Variants in KLF15 observed in about 807,000 individuals in gnomAD.
KLF15 encodes Krueppel-like factor 15.
A neutral mutation model predicts 24.6 loss-of-function variants in KLF15; 4 were observed. That is an observed-to-expected ratio of 0.16 (90% CI 0.08 to 0.37). The LOEUF (loss-of-function observed/expected upper bound fraction) is 0.37. KLF15 is among the 10% of genes least tolerant of loss of function. The probability of loss-of-function intolerance (pLI) is 1.00; values close to 1 mark genes in which losing one functional copy is unlikely to be tolerated. For missense variants in KLF15, 496 were observed against 560.6 expected (o/e 0.88, Z 1.16); for synonymous variants, 246 against 236.3 (o/e 1.04, Z -0.37).
chr3:126,312,937 G>A, the KLF15 span, among the ~76,000 whole-genome samples: 1 of 152,092 alleles, frequency 6.6e-6, no homozygotes, highest in African/African-American at 2.4e-5. Flanking sequence ...GCAGCTCCCA[G>A]CTCCCCTTTT....
chr3:126,341,177 A>G (rs2082476945), downstream of KLF15, among the ~76,000 whole-genome samples: 2 of 152,174 alleles, frequency 1.3e-5, no homozygotes, highest in African/African-American at 4.8e-5. Flanking sequence ...GAGGTGCACC[A>G]TATGTGTGCA....
At chr3:126,330,447 C>T in the KLF15 span, among the ~76,000 whole-genome samples, 1 of 152,124 alleles carries the variant, frequency 6.6e-6, no homozygotes, top group Admixed American at 6.5e-5. Context: ...GGCAGATTTT[C>T]AATTGATCAT....
chr3:126,343,998 C>A, intron 2 of KLF15, 103 bp from the exon 3 acceptor site: 1 of 1,256,548 alleles, frequency 8.0e-7, no homozygotes, highest in East Asian at 2.7e-5. Context: ...GGCACTCACC[C>A]AAAGGGTGGC....
downstream of KLF15, among the ~76,000 whole-genome samples, chr3:126,339,926 C>T (rs1267899590): frequency 6.6e-6 from 1 of 152,242 alleles, no homozygotes; most frequent in East Asian, 1.9e-4. Context: ...TACGTAGGGC[C>T]TTTTGGCTCC....
chr3:126,353,723 CCT>C (rs1264978221), intron 1 of KLF15, among the ~76,000 whole-genome samples: 2 of 152,218 alleles, frequency 1.3e-5, no homozygotes, highest in Non-Finnish European at 2.9e-5. Flanking sequence ...TCCTCAAACC[CCT>C]CTGAGCCTTG....
At chr3:126,340,633 C>T (rs1044652480), downstream of KLF15, among the ~76,000 whole-genome samples, 14 of 152,214 alleles carry the variant, frequency 9.2e-5, no homozygotes, top group African/African-American at 2.4e-4. Flanking sequence ...TAGGGGCAGG[C>T]GGGTGGGTGG....
chr3:126,332,123 C>A, the KLF15 span, among the ~76,000 whole-genome samples: 1 of 152,210 alleles, frequency 6.6e-6, no homozygotes, highest in African/African-American at 2.4e-5. Context: ...GGGCAGGGCA[C>A]AGACAAACAA....
At chr3:126,344,131 G>A (rs2082510902) in intron 2 of KLF15, among the ~76,000 whole-genome samples, 1 of 152,042 alleles carries the variant, frequency 6.6e-6, no homozygotes, top group African/African-American at 2.4e-5. Context: ...GTGCAGTGGC[G>A]CCATCACAGC....
At chr3:126,330,777 A>G in the KLF15 span, among the ~76,000 whole-genome samples, 2 of 152,126 alleles carry the variant, frequency 1.3e-5, no homozygotes, top group Non-Finnish European at 2.9e-5. Flanking sequence ...ACCTACCTGG[A>G]GTGAATTTTC....
At chr3:126,322,573 G>A in the KLF15 span, among the ~76,000 whole-genome samples, 1 of 152,156 alleles carries the variant, frequency 6.6e-6, no homozygotes, top group African/African-American at 2.4e-5. Context: ...TCACATCCAC[G>A]AAGGAAGTCC....
At chr3:126,310,982 C>A in the KLF15 span, among the ~76,000 whole-genome samples, 4 of 152,080 alleles carry the variant, frequency 2.6e-5, no homozygotes, top group African/African-American at 9.7e-5. Flanking sequence ...CACCGCGGCC[C>A]ACTCTGGAGG....
chr3:126,299,205 AGTATGTAT>A, the KLF15 span, among the ~76,000 whole-genome samples: 945 of 150,484 alleles, frequency 6.3e-3, 11 homozygotes, highest in African/African-American at 0.022. Context: ...TATATTCCTA[AGTATGTAT>A]GTATGTATGT....
chr3:126,323,393 GC>G, the KLF15 span, among the ~76,000 whole-genome samples: 1 of 72,110 alleles, frequency 1.4e-5, no homozygotes, highest in East Asian at 3.8e-4. Flanking sequence ...CTCTTACTTA[GC>G]CCCAGTAGTT....
Sources: gnomAD v4.1 joint callset for allele counts (sites outside exome capture counted in the v4.1 genomes callset) on GRCh38, gnomAD v4.1.1 for gene constraint, MANE v1.5 for transcripts, NCBI Gene and HGNC (gene_info 2026-07-23, HGNC 2026-07-21) for gene names.